USP49: variants seen among roughly 807,000 people sequenced by gnomAD.
USP49 encodes ubiquitin carboxyl-terminal hydrolase 49.
Under a neutral mutation model 58.6 loss-of-function variants are expected in USP49, and 24 were observed. That is an observed-to-expected ratio of 0.41 (90% CI 0.30 to 0.58). USP49 has a LOEUF of 0.58. Ranked by LOEUF, USP49 falls within the 20% of genes least tolerant of loss-of-function variation. The pLI is 0.30. For synonymous variants in USP49, 408 were observed against 365.1 expected (o/e 1.12, Z -1.34); for missense variants, 703 against 866.1 (o/e 0.81, Z 2.36).
In USP49 at chr6:41,806,436, T is replaced by G; in HGVS notation, c.548A>C (p.Glu183Ala). The part of the protein sequence containing the change: ...RQEEALERKK[E>A]EARRRRREVK... ...CTCGCGCCGCCGCCTCCGCGCCTCC[T>G]CCTTCTTGCGCTCCAGGGCCTCCTC... is the stretch of plus-strand genomic sequence containing the variant. Residue 183 changes from glutamate (E) to alanine (A), a missense_variant, in exon 4 of 8, where the codon GAG (glutamate) becomes GCG (alanine). Glu to Ala is a moderately radical substitution (Grantham distance 107). Around this residue, in one of 6 missense-constraint regions of USP49, gnomAD observed 376 missense variants for 373.5 expected, o/e 1.01. Transcript: ENST00000682992. This position sits in a 1 kb window ranked among gnomAD's most constrained non-coding sequence, Gnocchi z 5.9. The G allele has an allele frequency of 6.3e-7, 1 of 1,585,178 alleles. No homozygotes were observed. Among genetic ancestry groups the G allele is most frequent in the Non-Finnish European group, 8.5e-7 (1 of 1,174,124 alleles).
At chr6:41,801,332 G>A (rs1047608093) in intron 5 of USP49, among the ~76,000 whole-genome samples, 11 of 152,192 alleles carry the variant, frequency 7.2e-5, no homozygotes, top group African/African-American at 2.7e-4. Context: ...TCCAAGTCCT[G>A]TCTGTACTAC....
intron 3 of USP49, among the ~76,000 whole-genome samples, chr6:41,825,215 A>G (rs2127337561): frequency 6.6e-6 from 1 of 152,358 alleles, no homozygotes; most frequent in Middle Eastern, 3.4e-3. Context: ...AAATATTTTA[A>G]GGGAAACACC....
chr6:41,847,977 C>A (rs1231861592), intron 3 of USP49, among the ~76,000 whole-genome samples: 1 of 152,134 alleles, frequency 6.6e-6, no homozygotes, highest in Non-Finnish European at 1.5e-5. Context: ...CATAAAGACA[C>A]ATTATAATTA....
At chr6:41,855,231 T>G (rs550076573) in intron 3 of USP49, among the ~76,000 whole-genome samples, 1 of 151,866 alleles carries the variant, frequency 6.6e-6, no homozygotes, top group Non-Finnish European at 1.5e-5. Flanking sequence ...AGTACTTTTA[T>G]TGGCCAGGCA....
intron 3 of USP49, among the ~76,000 whole-genome samples, chr6:41,831,457 G>A (rs1262893157): frequency 6.6e-6 from 1 of 151,704 alleles, no homozygotes; most frequent in African/African-American, 2.4e-5. Flanking sequence ...GTGCGCACCT[G>A]TAATCCCAGC....
At chr6:41,796,969 A>G (rs1482936407) in intron 7 of USP49, among the ~76,000 whole-genome samples, 8 of 78,282 alleles carry the variant, frequency 1.0e-4, no homozygotes, top group African/African-American at 2.7e-4. Flanking sequence ...TTTTTTTTTG[A>G]GACAGAGTCT....
chr6:41,894,047 G>C (rs1774854875), intron 1 of USP49: 1 of 151,950 alleles, frequency 6.6e-6, no homozygotes, highest in South Asian at 2.1e-4. Flanking sequence ...ACGCACATTC[G>C]ATTCCCACCC....
chr6:41,823,013 C>T (rs896971918), intron 3 of USP49, among the ~76,000 whole-genome samples: 2 of 152,066 alleles, frequency 1.3e-5, no homozygotes, highest in African/African-American at 2.4e-5. Context: ...ATCAGCCATA[C>T]ATGGAAACCA....
rs752753375 is a variant in USP49, at chr6:41,805,736, C to T, written c.1248G>A (p.Glu416=). 6.2e-7 allele frequency: 1 copy of T among 1,614,146 alleles called. No homozygotes were observed. Residue 416 remains glutamate, a synonymous_variant, in exon 4 of 8, where the codon GAG becomes GAA. Transcript: ENST00000682992. ...ELLHKVQQEL[E]SEGTTRRILI... is the part of the protein sequence containing the mutation. The stretch of plus-strand genomic sequence containing the variant: ...GGATCCGGCGTGTGGTGCCCTCAGA[C>T]TCGAGTTCCTGCTGCACCTTGTGCA...
intron 3 of USP49, among the ~76,000 whole-genome samples, chr6:41,869,411 G>C (rs1318286149): frequency 6.6e-6 from 1 of 150,966 alleles, no homozygotes; most frequent in East Asian, 1.9e-4. Context: ...TGTGCAAAAA[G>C]GAAAAAAAAA....
intron 2 of USP49, among the ~76,000 whole-genome samples, chr6:41,884,345 A>T (rs1774671026): frequency 6.6e-6 from 1 of 152,236 alleles, no homozygotes; most frequent in Non-Finnish European, 1.5e-5. Context: ...CTTAAAACAT[A>T]GTGCTCACTG....
intron 3 of USP49, among the ~76,000 whole-genome samples, chr6:41,867,526 G>C (rs1216005930): frequency 6.6e-6 from 1 of 150,648 alleles, no homozygotes; most frequent in Non-Finnish European, 1.5e-5. Context: ...GGTGGATCAC[G>C]AGGTCAGGAG....
intron 3 of USP49, among the ~76,000 whole-genome samples, chr6:41,864,142 C>A (rs893613306): frequency 1.3e-5 from 2 of 152,140 alleles, no homozygotes; most frequent in Non-Finnish European, 2.9e-5. Context: ...TAGTATTTTG[C>A]AGGCACTTGA....
chr6:41,853,244 G>C (rs1210035022), intron 3 of USP49, among the ~76,000 whole-genome samples: 1 of 152,178 alleles, frequency 6.6e-6, no homozygotes, highest in Non-Finnish European at 1.5e-5. Context: ...AATGAGCCTT[G>C]TGGACTTTAG....
intron 3 of USP49, among the ~76,000 whole-genome samples, chr6:41,817,670 C>T (rs1421730822): frequency 1.3e-5 from 2 of 151,750 alleles, no homozygotes; most frequent in Non-Finnish European, 2.9e-5. Context: ...GGCTGGAGTG[C>T]AGTGGCGCTA....
At chr6:41,891,319 A>G (rs944236565) in intron 2 of USP49, among the ~76,000 whole-genome samples, 3 of 152,236 alleles carry the variant, frequency 2.0e-5, no homozygotes, top group African/African-American at 7.2e-5. Flanking sequence ...GGGTTACAAA[A>G]CATAGTATTA....
At chr6:41,825,617 A>G (rs188923890) in intron 3 of USP49, among the ~76,000 whole-genome samples, 1 of 152,316 alleles carries the variant, frequency 6.6e-6, no homozygotes, top group African/African-American at 2.4e-5. Flanking sequence ...CAAAGTATAT[A>G]TGTAATTTAT....
chr6:41,812,839 A>G (rs1215369799), intron 3 of USP49, among the ~76,000 whole-genome samples: 1 of 152,238 alleles, frequency 6.6e-6, no homozygotes, highest in African/African-American at 2.4e-5. Context: ...TATATTCTCT[A>G]TATATCAATG....
intron 1 of USP49, chr6:41,893,812 A>G (rs952350020): frequency 2.0e-5 from 3 of 152,186 alleles, no homozygotes; most frequent in Admixed American, 6.5e-5. Context: ...TTTTAGGGAC[A>G]AAAGGATTCA....
Sources: allele counts gnomAD v4.1 joint callset (sites outside exome capture counted in the v4.1 genomes callset), GRCh38; gene constraint gnomAD v4.1.1; regional missense constraint gnomAD v4.1.1; non-coding constraint Gnocchi (gnomAD v3.1); transcripts MANE v1.5; gene names NCBI Gene and HGNC (gene_info 2026-07-23, HGNC 2026-07-21).